FUT9: variants seen among roughly 807,000 people sequenced by gnomAD.
The protein encoded by FUT9 is fucosyltransferase 9.
A neutral mutation model predicts 29.7 loss-of-function variants in FUT9; 15 were observed. The ratio of observed to expected loss-of-function variants is 0.51; its 90% CI spans 0.34 to 0.78. The LOEUF is 0.78. FUT9 is among the 30% of genes least tolerant of loss of function. The pLI is 0.01. For missense variants in FUT9, 319 were observed against 425.4 expected (o/e 0.75, Z 2.20); for synonymous variants, 169 against 153.7 (o/e 1.10, Z -0.74).
intron 1 of FUT9, among the ~76,000 whole-genome samples, chr6:96,101,148 A>G (rs1449665726): frequency 6.6e-6 from 1 of 152,208 alleles, no homozygotes; most frequent in South Asian, 2.1e-4. Context: ...AATCTTTTTC[A>G]GTTCATGCAA....
Position 96,195,852 on chromosome 6 carries a change from T to A in FUT9, c.-8-7296T>A, listed in dbSNP as rs147000032. On this transcript the variant is annotated intron_variant, in intron 2 of 2. Transcript: ENST00000302103. ...TTTTTGCAGAATCCTGTACTAATAC[T>A]ATGATAGTGAAGATCACAATGATTA... Among the ~76,000 whole-genome samples, 549 of 152,318 alleles carry A rather than the reference T, an allele frequency of 3.6e-3. 2 individuals carry two copies. The highest frequency in any genetic ancestry group is 0.014 in the Middle Eastern group (4 of 294).
At chr6:96,135,432 G>A (rs1020437308) in intron 2 of FUT9, among the ~76,000 whole-genome samples, 5 of 151,926 alleles carry the variant, frequency 3.3e-5, no homozygotes, top group Non-Finnish European at 1.5e-5. Flanking sequence ...TGTTAAAGAA[G>A]GAATGGCAAG....
At chr6:96,127,869 G>C (rs1039132818) in intron 2 of FUT9, among the ~76,000 whole-genome samples, 14 of 152,036 alleles carry the variant, frequency 9.2e-5, no homozygotes, top group South Asian at 4.2e-4. Context: ...ACTTTTAAAG[G>C]GGTTGTTTAT....
intron 1 of FUT9, among the ~76,000 whole-genome samples, chr6:96,041,820 C>G (rs1009497384): frequency 6.6e-6 from 1 of 152,070 alleles, no homozygotes; most frequent in Non-Finnish European, 1.5e-5. Context: ...TTGTTACGGC[C>G]TAAACCTTTT....
chr6:96,182,432 C>A (rs1207764077), intron 2 of FUT9, among the ~76,000 whole-genome samples: 3 of 151,790 alleles, frequency 2.0e-5, no homozygotes, highest in African/African-American at 7.3e-5. Context: ...TTAATTAAGT[C>A]CCAGCTATTT....
intron 1 of FUT9, among the ~76,000 whole-genome samples, chr6:96,091,918 T>C (rs891598839): frequency 6.6e-6 from 1 of 152,154 alleles, no homozygotes. Flanking sequence ...ATACTAATTT[T>C]ATAATGTGAG....
At chr6:96,107,465 G>A (rs1006819682) in intron 1 of FUT9, among the ~76,000 whole-genome samples, 19 of 152,236 alleles carry the variant, frequency 1.2e-4, no homozygotes, top group African/African-American at 4.3e-4. Context: ...AATGTACAAG[G>A]AGATTTCTAG....
intron 2 of FUT9, among the ~76,000 whole-genome samples, chr6:96,178,115 A>G (rs1773239211): frequency 6.6e-6 from 1 of 152,168 alleles, no homozygotes; most frequent in South Asian, 2.1e-4. Flanking sequence ...GCAGAGGCCC[A>G]GAACATAATG....
chr6:96,164,104 C>G lies in FUT9; in HGVS notation c.-8-39044C>G, dbSNP rs747434204. Among the ~76,000 whole-genome samples the G allele has an allele frequency of 5.7e-4, 87 of 152,182 alleles. 1 individual carries two copies. Among genetic ancestry groups the G allele is most frequent in the Middle Eastern group, 6.8e-3 (2 of 294 alleles). On this transcript the variant is annotated intron_variant, in intron 2 of 2. Transcript: ENST00000302103. ...CAGGATGCAGAACCTCAGTGCAACT[C>G]TATGTTGGGGATGGGGGTTGGCCCT...
chr6:96,105,148 A>T (rs1274158049), intron 1 of FUT9, among the ~76,000 whole-genome samples: 1 of 152,218 alleles, frequency 6.6e-6, no homozygotes, highest in East Asian at 1.9e-4. Flanking sequence ...AAAGGAGATA[A>T]ATCTGTTTTA....
chr6:96,154,843 A>G lies in FUT9; in HGVS notation c.-9+40716A>G, dbSNP rs540097246. Among the ~76,000 whole-genome samples, 8 of 152,338 alleles carry G rather than the reference A, an allele frequency of 5.3e-5. No homozygotes were observed. The South Asian group carries it at 1.7e-3, about 32-fold the overall frequency. On this transcript the variant is annotated intron_variant, in intron 2 of 2. Coordinates refer to ENST00000302103, the MANE Select transcript of FUT9 (RefSeq NM_006581.4). ...CATGTGAACACTTCTGAACCAATCAATGTAACTGACAACTCCTGTATATGC... is the reference window on the plus strand; with the variant it reads ...CATGTGAACACTTCTGAACCAATCAGTGTAACTGACAACTCCTGTATATGC...
intron 1 of FUT9, among the ~76,000 whole-genome samples, chr6:96,042,413 A>C (rs1770478095): frequency 6.6e-6 from 1 of 152,230 alleles, no homozygotes; most frequent in South Asian, 2.1e-4. Context: ...TTTAAAACAC[A>C]TGGAGAATTT....
intron 1 of FUT9, among the ~76,000 whole-genome samples, chr6:96,113,240 T>C (rs1771844044): frequency 6.6e-6 from 1 of 152,100 alleles, no homozygotes; most frequent in African/African-American, 2.4e-5. Context: ...CATTTAACTA[T>C]TCAATAACTT....
chr6:96,044,752 C>A (rs1336957600), intron 1 of FUT9, among the ~76,000 whole-genome samples: 1 of 151,930 alleles, frequency 6.6e-6, no homozygotes, highest in Non-Finnish European at 1.5e-5. Flanking sequence ...TTTTAATTCC[C>A]TAATTATCAT....
rs895597174 is a variant in FUT9, at chr6:96,204,751, T to G, written c.*516T>G. 1 of 166,894 alleles carries G rather than the reference T, an allele frequency of 6.0e-6. No homozygotes were observed. Among genetic ancestry groups the G allele is most frequent in the African/African-American group, 2.4e-5 (1 of 41,454 alleles). 10.3% of individuals were successfully genotyped at this position (166,894 alleles called of 1,614,324 possible). ...ACTGTCTCTATTTGATCTATTTTTTTTACCTGTTTATCACATTTGTGAAGG... is the reference window on the plus strand; with the variant it reads ...ACTGTCTCTATTTGATCTATTTTTTGTACCTGTTTATCACATTTGTGAAGG... On this transcript the variant is annotated 3_prime_UTR_variant, in exon 3 of 3. Transcript: ENST00000302103.
chr6:96,107,726 T>C (rs1771718696), intron 1 of FUT9, among the ~76,000 whole-genome samples: 1 of 152,210 alleles, frequency 6.6e-6, no homozygotes, highest in Non-Finnish European at 1.5e-5. Flanking sequence ...TGTTACTAAT[T>C]CTGTCGCCTC....
chr6:96,115,192 A>AAC (rs1177950733), intron 2 of FUT9, among the ~76,000 whole-genome samples: 7 of 152,338 alleles, frequency 4.6e-5, no homozygotes, highest in African/African-American at 1.7e-4. Flanking sequence ...ATGTTATTTA[A>AAC]ATTTTTCTCA....
Position 96,212,177 on chromosome 6 carries a change from G to A in FUT9, c.*7942G>A, listed in dbSNP as rs981455088. ...CATTATGTGAGAAATATGGGCCAGA[G>A]TTACAATATCACATCTCCAGTCTCA... is the stretch of plus-strand genomic sequence containing the variant. On this transcript the variant is annotated 3_prime_UTR_variant, in exon 3 of 3. Coordinates refer to ENST00000302103, the MANE Select transcript of FUT9 (RefSeq NM_006581.4). 3.2e-5 allele frequency: 13 copies of A among 412,436 alleles called. No homozygotes were observed. In the South Asian group the frequency reaches 1.0e-3, roughly 32 times the overall value. 25.5% of individuals were successfully genotyped at this position (412,436 alleles called of 1,614,324 possible).
chr6:96,188,862 G>A (rs1026819452), intron 2 of FUT9, among the ~76,000 whole-genome samples: 15 of 152,052 alleles, frequency 9.9e-5, no homozygotes, highest in East Asian at 1.9e-4. Flanking sequence ...TAACACATAC[G>A]TTGAGAGCAA....
Sources: gnomAD v4.1 joint callset for allele counts (sites outside exome capture counted in the v4.1 genomes callset) on GRCh38, gnomAD v4.1.1 for gene constraint, MANE v1.5 for transcripts, NCBI Gene and HGNC (gene_info 2026-07-23, HGNC 2026-07-21) for gene names.